PCDHGB6: variants seen among roughly 807,000 people sequenced by gnomAD.
PCDHGB6 encodes protocadherin gamma-B6.
PCDHGB6 carries 51 observed loss-of-function variants against 59.1 expected under a neutral mutation model. The ratio of observed to expected loss-of-function variants is 0.86; its 90% CI spans 0.69 to 1.09. The LOEUF (loss-of-function observed/expected upper bound fraction) is 1.09, where lower values mean the gene tolerates loss of function less well. PCDHGB6 is among the 50% of genes least tolerant of loss of function. PCDHGB6 has a pLI of 0.00. For missense variants in PCDHGB6, 1,148 were observed against 1,205.1 expected, an observed-to-expected ratio of 0.95 and a Z score of 0.70; for synonymous variants, 466 against 495.1, an observed-to-expected ratio of 0.94 and a Z score of 0.78.
At chr5:141,448,021 G>A (rs1376525971) in intron 1 of PCDHGB6, among the ~76,000 whole-genome samples, 2 of 152,050 alleles carry the variant, frequency 1.3e-5, no homozygotes, top group African/African-American at 4.8e-5. Context: ...AGGAGGTGGA[G>A]GTTGCAGTGA....
chr5:141,409,471 A>T lies in PCDHGB6; in HGVS notation c.1269A>T (p.Val423=). The change falls in exon 1 of 4, where the codon GTA becomes GTT. Residue 423 remains valine (V), a synonymous_variant. Coordinates refer to ENST00000520790, the MANE Select transcript of PCDHGB6 (RefSeq NM_018926.3). The part of the protein sequence containing the change: ...EQTPEYNVTI[V]ATDRGKPPLS... ...CACCAGAATACAATGTCACCATCGTAGCCACTGACAGGGGCAAGCCGCCTC... is the reference window on the plus strand; with the variant it reads ...CACCAGAATACAATGTCACCATCGTTGCCACTGACAGGGGCAAGCCGCCTC... 6.2e-7 allele frequency: 1 copy of T among 1,613,978 alleles called. No homozygotes were observed. The highest frequency in any genetic ancestry group is 8.5e-7 in the Non-Finnish European group (1 of 1,179,896).
rs779651957 is a variant in PCDHGB6, at chr5:141,431,167, T to G, written c.2418+20547T>G. 2 of 1,614,118 alleles carry G rather than the reference T, an allele frequency of 1.2e-6. No individual in the cohort carries two copies. Among genetic ancestry groups the G allele is most frequent in the Non-Finnish European group, 1.7e-6 (2 of 1,180,014 alleles). The stretch of plus-strand genomic sequence containing the variant: ...ACAATGCGCCTTACTTTCGTGAAAG[T>G]GAATTAGAAATAAAAATTAGTGAAA... On this transcript the variant is annotated intron_variant, in intron 1 of 3. Transcript: ENST00000520790. The surrounding 1 kb of genome is among the most constrained non-coding windows in gnomAD (Gnocchi z 4.8).
intron 1 of PCDHGB6, among the ~76,000 whole-genome samples, chr5:141,433,789 A>G (rs1388423731): frequency 6.7e-6 from 1 of 148,972 alleles, no homozygotes; most frequent in Non-Finnish European, 1.5e-5. Flanking sequence ...ATGAGCTGAG[A>G]TTGTGCCATT....
At chr5:141,509,670 T>G (rs2099877782) in intron 3 of PCDHGB6, among the ~76,000 whole-genome samples, 1 of 152,136 alleles carries the variant, frequency 6.6e-6, no homozygotes, top group African/African-American at 2.4e-5. Flanking sequence ...TGGGCCCCAG[T>G]TTCTTCTTCT....
chr5:141,488,518 G>A lies in PCDHGB6; in HGVS notation c.2419-6289G>A, dbSNP rs2233597. On this transcript the variant is annotated intron_variant, in intron 1 of 3. Coordinates refer to ENST00000520790, the MANE Select transcript of PCDHGB6 (RefSeq NM_018926.3). Reference sequence around the variant, plus strand: ...CACTCATTCCACATTTGGGGTCTGGGGTGTCAGAAAAGCTAAGTCCCATGT... The same window carrying A: ...CACTCATTCCACATTTGGGGTCTGGAGTGTCAGAAAAGCTAAGTCCCATGT... Among the ~76,000 whole-genome samples the A allele has an allele frequency of 5.8e-3, 879 of 152,218 alleles. 4 individuals are homozygous for A. The highest frequency in any genetic ancestry group is 0.021 in the African/African-American group (853 of 41,520).
chr5:141,489,692 G>A lies in PCDHGB6; in HGVS notation c.2419-5115G>A. 1.9e-6 allele frequency: 3 copies of A among 1,614,128 alleles called. No individual in the cohort carries two copies. The highest frequency in any genetic ancestry group is 1.7e-6 in the Non-Finnish European group (2 of 1,179,980). On this transcript the variant is annotated intron_variant, in intron 1 of 3. Coordinates refer to ENST00000520790, the MANE Select transcript of PCDHGB6 (RefSeq NM_018926.3). The surrounding 1 kb of genome is among the most constrained non-coding windows in gnomAD (Gnocchi z 4.5). The stretch of plus-strand genomic sequence containing the variant: ...TCAGAATCAGCAGCATCTGGGGCAC[G>A]ATTCCCACTGGACAGTGCCCAGGAT...
Position 141,409,369 on chromosome 5 carries a change from C to T in PCDHGB6, c.1167C>T (p.Asp389=). 1 of 1,613,986 alleles carries T rather than the reference C, an allele frequency of 6.2e-7. No individual in the cohort carries two copies. The highest frequency in any genetic ancestry group is 8.5e-7 in the Non-Finnish European group (1 of 1,179,884). Residue 389 remains aspartate, a synonymous_variant, in exon 1 of 4, where the codon GAC becomes GAT. Coordinates refer to ENST00000520790, the MANE Select transcript of PCDHGB6 (RefSeq NM_018926.3). The stretch of plus-strand genomic sequence containing the variant: ...AAGTCAGGTGTAATATAGAAACAGA[C>T]ATTCCATTCAAGATTTATTCTTCTT... ...NGEVRCNIET[D]IPFKIYSSSN... is the part of the protein sequence containing the mutation.
chr5:141,422,656 G>A (rs759548203), intron 1 of PCDHGB6: 3 of 1,609,780 alleles, frequency 1.9e-6, no homozygotes, highest in Non-Finnish European at 1.7e-6. Context: ...CTCAGTGACC[G>A]CCCTCGACCC....
rs1220745023 is a variant in PCDHGB6 at position 141,410,044 on chromosome 5, C to T, written c.1842C>T (p.Pro614=). 1.7e-5 allele frequency: 27 copies of T among 1,613,184 alleles called. No homozygotes were observed. The highest frequency in any genetic ancestry group is 3.3e-5 in the Admixed American group (2 of 60,028). ...LSYHVLQASE[P]GLFSLGLRTG... ...ACCACGTGCTGCAGGCCAGTGAGCC[C>T]GGACTCTTCAGCCTGGGGCTGCGCA... The change falls in exon 1 of 4, where the codon CCC becomes CCT. Residue 614 remains proline, a synonymous_variant. Coordinates refer to ENST00000520790, the MANE Select transcript of PCDHGB6 (RefSeq NM_018926.3).
chr5:141,500,005 G>A (rs994274763), intron 2 of PCDHGB6, among the ~76,000 whole-genome samples: 30 of 151,476 alleles, frequency 2.0e-4, no homozygotes, highest in Non-Finnish European at 3.8e-4. Context: ...TCTTTCATAA[G>A]GTCCACATTT....
intron 2 of PCDHGB6, among the ~76,000 whole-genome samples, chr5:141,502,186 CA>C (rs1470455379): frequency 1.3e-5 from 2 of 152,148 alleles, no homozygotes; most frequent in Non-Finnish European, 2.9e-5. Context: ...AACATTAATA[CA>C]ATAATATAGA....
chr5:141,427,428 T>A (rs1489623330), intron 1 of PCDHGB6: 1 of 470,472 alleles, frequency 2.1e-6, no homozygotes. Context: ...GGAGGTTACA[T>A]GCCTCATAAA....
intron 1 of PCDHGB6, among the ~76,000 whole-genome samples, chr5:141,437,980 C>T (rs1198278358): frequency 1.3e-5 from 2 of 152,050 alleles, no homozygotes; most frequent in Non-Finnish European, 2.9e-5. Flanking sequence ...TTGGGATGCA[C>T]CCACCCCACC....
At chr5:141,451,019 G>A (rs1348607593) in intron 1 of PCDHGB6, among the ~76,000 whole-genome samples, 7 of 151,274 alleles carry the variant, frequency 4.6e-5, no homozygotes, top group Admixed American at 2.0e-4. Context: ...TAGTAGAGAC[G>A]AGGTTTCACC....
intron 1 of PCDHGB6, chr5:141,418,297 C>T (rs760176371): frequency 2.5e-6 from 4 of 1,614,026 alleles, no homozygotes; most frequent in African/African-American, 2.7e-5. Flanking sequence ...GTGAATCCGT[C>T]AGCCTGGGGA....
rs374484255 is a variant in PCDHGB6 at position 141,409,618 on chromosome 5, G to T, written c.1416G>T (p.Ala472=). Residue 472 remains alanine, a synonymous_variant, in exon 1 of 4, where the codon GCG becomes GCT. Coordinates refer to ENST00000520790, the MANE Select transcript of PCDHGB6 (RefSeq NM_018926.3). Reference sequence around the variant, plus strand: ...ACAACCCGCCAGGAGCCTCCATTGCGCAAGTGAGCGCCTCTGACCCGGATT... The same window carrying T: ...ACAACCCGCCAGGAGCCTCCATTGCTCAAGTGAGCGCCTCTGACCCGGATT... ...AENNPPGASI[A]QVSASDPDLG... is the part of the protein sequence containing the mutation. 77 of 1,613,776 alleles carry T rather than the reference G, an allele frequency of 4.8e-5. No homozygotes were observed. Among genetic ancestry groups the T allele is most frequent in the Non-Finnish European group, 6.3e-5 (74 of 1,179,904 alleles).
At chr5:141,418,392 T>C (rs753094664) in intron 1 of PCDHGB6, 1 of 1,613,996 alleles carries the variant, frequency 6.2e-7, no homozygotes, top group Non-Finnish European at 8.5e-7. Context: ...AACGAGTATT[T>C]CTCATTGGTG....
At chr5:141,414,916 C>T in intron 1 of PCDHGB6, 2 of 1,614,194 alleles carry the variant, frequency 1.2e-6, no homozygotes, top group Non-Finnish European at 1.7e-6. Context: ...AGGCGTGGAG[C>T]TGGCGCCCCG....
chr5:141,450,675 CG>C (rs2098689980), intron 1 of PCDHGB6, among the ~76,000 whole-genome samples: 1 of 151,614 alleles, frequency 6.6e-6, no homozygotes, highest in Non-Finnish European at 1.5e-5. Flanking sequence ...TTAGTAGAAA[CG>C]GGGTTTTGCC....
Sources: allele counts gnomAD v4.1 joint callset (sites outside exome capture counted in the v4.1 genomes callset), GRCh38; gene constraint gnomAD v4.1.1; non-coding constraint Gnocchi (gnomAD v3.1); transcripts MANE v1.5; gene names NCBI Gene and HGNC (gene_info 2026-07-23, HGNC 2026-07-21).